SLC29A3: variants seen among roughly 807,000 people sequenced by gnomAD.
SLC29A3 encodes the protein solute carrier family 29 member 3.
A neutral mutation model predicts 25.4 loss-of-function variants in SLC29A3; 18 were observed. That is an observed-to-expected ratio of 0.71 (90% CI 0.49 to 1.05). The LOEUF is 1.05. SLC29A3 is among the 50% of genes least tolerant of loss of function. The pLI, the probability that SLC29A3 is intolerant of heterozygous loss-of-function variation, is 0.00. For missense variants in SLC29A3, 586 were observed against 609.0 expected (o/e 0.96, Z 0.40); for synonymous variants, 258 against 267.1 (o/e 0.97, Z 0.33).
At chr10:71,328,048 C>T (rs147486135) in intron 2 of SLC29A3, among the ~76,000 whole-genome samples, 346 of 152,288 alleles carry the variant, frequency 2.3e-3, no homozygotes, top group African/African-American at 6.4e-3. Context: ...GCACCTTCTC[C>T]TGGCCATTCC....
chr10:71,355,237 G>T (rs1380625633), intron 4 of SLC29A3, among the ~76,000 whole-genome samples: 1 of 152,208 alleles, frequency 6.6e-6, no homozygotes. Context: ...CTAGCAAGTA[G>T]CAGAGTCCAG....
rs976071618 is a variant in SLC29A3 at position 71,363,170 on chromosome 10, G to A, written c.*562G>A. On this transcript the variant is annotated 3_prime_UTR_variant, in exon 6 of 6. Transcript: ENST00000373189. ...CCCACTAACCAGACTGGAAAACCCA[G>A]AAAGATGGGCCTTCCATGAATGCTT... is the stretch of plus-strand genomic sequence containing the variant. 1 of 445,084 alleles carries A rather than the reference G, an allele frequency of 2.2e-6. No homozygotes were observed. Among genetic ancestry groups the A allele is most frequent in the Non-Finnish European group, 4.5e-6 (1 of 222,396 alleles). The allele number at this position is 445,084 out of a possible 1,614,324, so 27.6% of individuals were successfully genotyped here.
chr10:71,332,517 TAGAA>T (rs1199630830), intron 2 of SLC29A3, among the ~76,000 whole-genome samples: 2 of 152,144 alleles, frequency 1.3e-5, no homozygotes, highest in East Asian at 3.9e-4. Context: ...CCTCCCCGCA[TAGAA>T]AGAAGTGTAT....
At chr10:71,327,672 A>G (rs866688967) in intron 2 of SLC29A3, among the ~76,000 whole-genome samples, 10 of 152,112 alleles carry the variant, frequency 6.6e-5, no homozygotes, top group African/African-American at 2.4e-4. Context: ...TCATACTCAG[A>G]GAGTGGTATG....
At chr10:71,352,391 C>A (rs541483662) in intron 4 of SLC29A3, among the ~76,000 whole-genome samples, 1 of 151,966 alleles carries the variant, frequency 6.6e-6, no homozygotes, top group African/African-American at 2.4e-5. Context: ...GAGACAGAGT[C>A]GCAGCTATTT....
At chr10:71,334,968 T>C (rs1846209233) in intron 2 of SLC29A3, among the ~76,000 whole-genome samples, 2 of 151,252 alleles carry the variant, frequency 1.3e-5, no homozygotes, top group South Asian at 4.2e-4. Context: ...TTTTTTTTTT[T>C]TTTGTGCCTC....
At chr10:71,336,165 C>T (rs1409681528) in intron 2 of SLC29A3, among the ~76,000 whole-genome samples, 2 of 152,298 alleles carry the variant, frequency 1.3e-5, no homozygotes, top group East Asian at 1.9e-4. Context: ...TCTGTCTTCA[C>T]GCAGCCTCTG....
Position 71,363,270 on chromosome 10 carries a change from G to T in SLC29A3, c.*662G>T, listed in dbSNP as rs950021005. On this transcript the variant is annotated 3_prime_UTR_variant, in exon 6 of 6. Coordinates refer to ENST00000373189, the MANE Select transcript of SLC29A3 (RefSeq NM_018344.6). ...TGGCCTGGGTTTTCAAAAAAAGAGG[G>T]ATCCTCATGACCTGGTGGTCTATGG... 4.4e-6 allele frequency: 2 copies of T among 454,130 alleles called. No homozygotes were observed. Among genetic ancestry groups the T allele is most frequent in the Non-Finnish European group, 8.8e-6 (2 of 226,802 alleles). The allele number at this position is 454,130 out of a possible 1,614,324, so 28.1% of individuals were successfully genotyped here.
At chr10:71,321,408 T>C (rs1244433459) in intron 1 of SLC29A3, among the ~76,000 whole-genome samples, 1 of 152,136 alleles carries the variant, frequency 6.6e-6, no homozygotes, top group Non-Finnish European at 1.5e-5. Flanking sequence ...TATTTATTAG[T>C]TTATTGGGTG....
rs1414988803 is a variant in SLC29A3 at position 71,322,959 on chromosome 10, A to T, written c.205A>T (p.Asn69Tyr). Residue 69 changes from asparagine (N) to tyrosine (Y), a missense_variant, in exon 2 of 6, where the codon AAC becomes TAC. Physicochemically the swap from Asn to Tyr is moderately radical, Grantham distance 143. Coordinates refer to ENST00000373189, the MANE Select transcript of SLC29A3 (RefSeq NM_018344.6). ...SLGIGSLLPW[N>Y]FFITAKEYWM... ...GGGCATTGGCAGTCTACTGCCATGG[A>T]ACTTCTTTATCACTGCCAAGGAGTA... 6.2e-7 allele frequency: 1 copy of T among 1,614,186 alleles called. No homozygotes were observed. Among genetic ancestry groups the T allele is most frequent in the Admixed American group, 1.7e-5 (1 of 60,024 alleles).
At chr10:71,339,837 C>A (rs1199556322) in intron 2 of SLC29A3, among the ~76,000 whole-genome samples, 2 of 152,120 alleles carry the variant, frequency 1.3e-5, no homozygotes, top group Non-Finnish European at 2.9e-5. Flanking sequence ...CTGGTGGAAA[C>A]CCCCCAGAGC....
chr10:71,367,866 T>C (rs1001127449), downstream of SLC29A3, among the ~76,000 whole-genome samples: 2 of 152,222 alleles, frequency 1.3e-5, no homozygotes, highest in African/African-American at 2.4e-5. Flanking sequence ...GTTGGAATGC[T>C]GTTTCTGCCA....
intron 3 of SLC29A3, among the ~76,000 whole-genome samples, chr10:71,349,390 A>G (rs767249978): frequency 4.6e-5 from 7 of 152,178 alleles, no homozygotes; most frequent in Non-Finnish European, 8.8e-5. Flanking sequence ...GATGGCAGCC[A>G]GCAGCCCCAG....
intron 3 of SLC29A3, among the ~76,000 whole-genome samples, chr10:71,348,237 C>T (rs935365809): frequency 8.5e-5 from 13 of 152,370 alleles, no homozygotes; most frequent in East Asian, 3.9e-4. Flanking sequence ...CTTTGCAGCG[C>T]GCCTCATCTT....
At chr10:71,348,902 C>T (rs908959262) in intron 3 of SLC29A3, among the ~76,000 whole-genome samples, 10 of 152,200 alleles carry the variant, frequency 6.6e-5, no homozygotes, top group African/African-American at 2.2e-4. Flanking sequence ...AGGCAGTCAG[C>T]AGAGGATGCC....
intron 5 of SLC29A3, among the ~76,000 whole-genome samples, chr10:71,360,271 G>A (rs1309721865): frequency 6.6e-6 from 1 of 150,942 alleles, no homozygotes; most frequent in Non-Finnish European, 1.5e-5. Flanking sequence ...AGCCTCCTGA[G>A]TAGCTGGGAC....
chr10:71,362,660 G>A lies in SLC29A3; in HGVS notation c.*52G>A. On this transcript the variant is annotated 3_prime_UTR_variant, in exon 6 of 6. Transcript: ENST00000373189. ...TTCAGAGCCTTTGAAGATGAGAAGA[G>A]AGTGCAGGAGGGCTGGGGGCCATGG... is the stretch of plus-strand genomic sequence containing the variant. The A allele has an allele frequency of 6.2e-7, 1 of 1,611,400 alleles. No homozygotes were observed. The highest frequency in any genetic ancestry group is 1.3e-5 in the African/African-American group (1 of 75,008).
intron 3 of SLC29A3, among the ~76,000 whole-genome samples, chr10:71,350,004 A>G (rs1846708155): frequency 1.3e-5 from 2 of 152,154 alleles, no homozygotes. Context: ...CCAGCATAGT[A>G]CTGGACACAC....
chr10:71,357,350 G>A (rs1027343967), intron 5 of SLC29A3, among the ~76,000 whole-genome samples: 7 of 152,074 alleles, frequency 4.6e-5, no homozygotes, highest in Admixed American at 4.6e-4. Flanking sequence ...GGGAGACGGA[G>A]CTTGCAGTGA....
Sources: allele counts gnomAD v4.1 joint callset (sites outside exome capture counted in the v4.1 genomes callset), GRCh38; gene constraint gnomAD v4.1.1; transcripts MANE v1.5; gene names NCBI Gene and HGNC (gene_info 2026-07-23, HGNC 2026-07-21).